The following ACAT2 variants were observed in gnomAD, a reference collection of about 807,000 sequenced individuals.
ACAT2 encodes the protein acetyl-CoA acetyltransferase 2.
ACAT2 carries 26 observed loss-of-function variants against 37.1 expected under a neutral mutation model. That is an observed-to-expected ratio of 0.70 (90% CI 0.51 to 0.97). ACAT2 has a LOEUF of 0.97. ACAT2 is among the 50% of genes least tolerant of loss of function. The probability of loss-of-function intolerance (pLI) is 0.00; values close to 1 mark genes in which losing one functional copy is unlikely to be tolerated. For missense variants in ACAT2, 468 were observed against 489.0 expected (o/e 0.96, Z 0.40); for synonymous variants, 156 against 163.6 (o/e 0.95, Z 0.35).
Position 159,768,515 on chromosome 6 carries a change from C to T in ACAT2, c.377C>T (p.Pro126Leu). Residue 126 changes from proline (P) to leucine (L), a missense_variant, in exon 4 of 9, where the codon CCT (proline) becomes CTT (leucine). Pro to Leu is a moderately conservative substitution (Grantham distance 98, BLOSUM62 -3). Transcript: ENST00000367048. The part of the protein sequence containing the change: ...AGGMENMSKA[P>L]HLAYLRTGVK... Reference sequence around the variant, plus strand: ...ATTTTTATTTCTGACTTCTAGGCTCCTCACTTGGCTTACTTGAGAACAGGA... The same window carrying T: ...ATTTTTATTTCTGACTTCTAGGCTCTTCACTTGGCTTACTTGAGAACAGGA... The T allele has an allele frequency of 6.2e-7, 1 of 1,609,828 alleles. No homozygotes were observed. Among genetic ancestry groups the T allele is most frequent in the Middle Eastern group, 1.7e-4 (1 of 6,056 alleles).
intron 4 of ACAT2, among the ~76,000 whole-genome samples, chr6:159,772,428 A>G (rs193141344): frequency 2.6e-5 from 4 of 152,302 alleles, no homozygotes; most frequent in Admixed American, 2.6e-4. Flanking sequence ...ACCCAGACTT[A>G]TGCTTGTTTT....
chr6:159,767,569 G>A (rs1449526513), intron 3 of ACAT2, among the ~76,000 whole-genome samples: 1 of 152,208 alleles, frequency 6.6e-6, no homozygotes, highest in Non-Finnish European at 1.5e-5. Context: ...GGAGATCCTG[G>A]GGACCAGACT....
intron 2 of ACAT2, among the ~76,000 whole-genome samples, chr6:159,765,880 A>G (rs1305540663): frequency 6.6e-6 from 1 of 152,208 alleles, no homozygotes; most frequent in Admixed American, 6.5e-5. Flanking sequence ...AGTTTTTATC[A>G]GCGACTTATT....
At chr6:159,778,343 G>A in intron 8 of ACAT2, 63 bp downstream of exon 8, 2 of 1,130,702 alleles carry the variant, frequency 1.8e-6, no homozygotes, top group Non-Finnish European at 2.5e-6. Context: ...TTTTAAGATA[G>A]TATCTTCTAG....
intron 2 of ACAT2, among the ~76,000 whole-genome samples, 195 bp downstream of exon 2, chr6:159,763,248 T>A (rs1023936318): frequency 2.6e-5 from 4 of 152,148 alleles, no homozygotes; most frequent in Admixed American, 6.5e-5. Context: ...GTAGCTTCTA[T>A]CCAGCTTGAG....
At chr6:159,778,568 T>G (rs1780486764) in intron 8 of ACAT2, 91 bp from the exon 9 acceptor site, 1 of 1,401,214 alleles carries the variant, frequency 7.1e-7, no homozygotes, top group African/African-American at 1.4e-5. Context: ...AAGGGTAGCA[T>G]GCTGATACAT....
In ACAT2 at chr6:159,762,584, G is replaced by T. The variant is rs920790807; in HGVS notation, c.56-335G>T. The T allele has an allele frequency of 1.0e-4, 142 of 1,363,420 alleles. No individual in the cohort carries two copies. The African/African-American group carries it at 1.9e-3, about 18-fold the overall frequency. The allele number at this position is 1,363,420 out of a possible 1,614,324, so 84.5% of individuals were successfully genotyped here. A position where few individuals can be genotyped will look rare whatever the true frequency, so the allele number is the denominator to read the frequency against. On this transcript the variant is annotated intron_variant, in intron 1 of 8. Transcript: ENST00000367048. ...TAGAAGTCGTGACTTCGTCTCCTTC[G>T]TGCCGCATGGTTTTCAACGCCCTTG...
intron 1 of ACAT2, 39 bp downstream of exon 1, chr6:159,762,181 C>T: frequency 6.3e-7 from 1 of 1,594,438 alleles, no homozygotes; most frequent in East Asian, 2.3e-5. Context: ...TCCGAGGCGC[C>T]TGCTGCTTCG....
Position 159,779,058 on chromosome 6 carries a change from G to T in ACAT2, c.*229G>T. 6 of 1,613,650 alleles carry T rather than the reference G, an allele frequency of 3.7e-6. No individual in the cohort carries two copies. Among genetic ancestry groups the T allele is most frequent in the Non-Finnish European group, 5.1e-6 (6 of 1,179,666 alleles). Reference sequence around the variant, plus strand: ...AGGAACATCAGATCAATCATTAAGGGCTCCAGAGTGAACAGCATCTTCATA... The same window carrying T: ...AGGAACATCAGATCAATCATTAAGGTCTCCAGAGTGAACAGCATCTTCATA... On this transcript the variant is annotated 3_prime_UTR_variant, in exon 9 of 9. Coordinates refer to ENST00000367048, the MANE Select transcript of ACAT2 (RefSeq NM_005891.3).
chr6:159,768,627 A>G lies in ACAT2; in HGVS notation c.489A>G (p.Thr163=). Residue 163 remains threonine, a splice_region_variant and synonymous_variant, in exon 4 of 9, where the codon ACA becomes ACG. Coordinates refer to ENST00000367048, the MANE Select transcript of ACAT2 (RefSeq NM_005891.3). ...DAFHNCHMGI[T]AENVAKKWQV... ...TTCACAACTGTCATATGGGTATTAC[A>G]GGTAAGGCAGACATGGCTGAAACTG... 1 of 1,593,602 alleles carries G rather than the reference A, an allele frequency of 6.3e-7. No homozygotes were observed. The highest frequency in any genetic ancestry group is 8.6e-7 in the Non-Finnish European group (1 of 1,161,468).
At chr6:159,769,768 G>A (rs1047561930) in intron 4 of ACAT2, among the ~76,000 whole-genome samples, 1 of 152,180 alleles carries the variant, frequency 6.6e-6, no homozygotes, top group African/African-American at 2.4e-5. Flanking sequence ...TCAGTGATCT[G>A]AAGAAGCAGA....
chr6:159,766,083 AC>A, intron 2 of ACAT2, among the ~76,000 whole-genome samples: 1 of 152,324 alleles, frequency 6.6e-6, no homozygotes, highest in Middle Eastern at 3.4e-3. Context: ...TTTCTTCCCA[AC>A]TAAAGGAAGT....
At chr6:159,765,758 CTT>C (rs1780246700) in intron 2 of ACAT2, among the ~76,000 whole-genome samples, 1 of 152,088 alleles carries the variant, frequency 6.6e-6, no homozygotes, top group South Asian at 2.1e-4. Flanking sequence ...CTGGGCCTGT[CTT>C]TTTAATATGT....
chr6:159,762,735 T>C (rs1337242807), intron 1 of ACAT2, 184 bp from the exon 2 acceptor site: 1 of 1,554,108 alleles, frequency 6.4e-7, no homozygotes, highest in Non-Finnish European at 8.7e-7. Flanking sequence ...CCTCGGCTGC[T>C]GCGAGTTGTG....
chr6:159,778,678 C>CTA lies in ACAT2; in HGVS notation c.1046_1047dup (p.Ala350Ter). ...CGTTAGGTCAATATTGAAGGAGGGG[C>CTA]TATAGCCTTGGGCCACCCTCTTGGA... On this transcript the variant is annotated frameshift_variant, in exon 9 of 9. Coordinates refer to ENST00000367048, the MANE Select transcript of ACAT2 (RefSeq NM_005891.3). LOFTEE classifies it high-confidence loss of function. 1 of 1,614,168 alleles carries CTA rather than the reference C, an allele frequency of 6.2e-7. No homozygotes were observed. Among genetic ancestry groups the CTA allele is most frequent in the Non-Finnish European group, 8.5e-7 (1 of 1,180,014 alleles).
intron 1 of ACAT2, 144 bp downstream of exon 1, chr6:159,762,286 C>A: frequency 8.0e-7 from 1 of 1,249,834 alleles, no homozygotes; most frequent in Non-Finnish European, 1.1e-6. Context: ...ATCCCTGGAA[C>A]CCTGCGGCTC....
At chr6:159,775,402 A>T (rs1215971729) in intron 5 of ACAT2, 89 bp downstream of exon 5, 1 of 1,444,512 alleles carries the variant, frequency 6.9e-7, no homozygotes, top group East Asian at 2.3e-5. Context: ...TTTAGAAATT[A>T]TATCTTAGTT....
At chr6:159,763,151 C>G in intron 2 of ACAT2, 98 bp downstream of exon 2, 1 of 1,480,954 alleles carries the variant, frequency 6.8e-7, no homozygotes, top group Non-Finnish European at 9.0e-7. Flanking sequence ...CACTCTCTCA[C>G]TCACTCAAGT....
intron 4 of ACAT2, among the ~76,000 whole-genome samples, chr6:159,769,753 T>C (rs573275907): frequency 6.6e-6 from 1 of 152,256 alleles, no homozygotes; most frequent in South Asian, 2.1e-4. Context: ...CTGGAAACAG[T>C]GGTCTCAGTG....
Sources: allele counts gnomAD v4.1 joint callset (sites outside exome capture counted in the v4.1 genomes callset), GRCh38; gene constraint gnomAD v4.1.1; transcripts MANE v1.5; gene names NCBI Gene and HGNC (gene_info 2026-07-23, HGNC 2026-07-21).